Variants in FNBP1 observed in about 807,000 individuals in gnomAD.
FNBP1 encodes the protein formin binding protein 1, also known as formin-binding protein 1.
Under a neutral mutation model 90.6 loss-of-function variants are expected in FNBP1, and 26 were observed. The observed-to-expected ratio is 0.29, with a 90% confidence interval of 0.21 to 0.40. FNBP1 has a LOEUF of 0.40. Among genes scored for constraint, FNBP1 ranks in the 10% least tolerant of loss-of-function variants. The pLI, the probability that FNBP1 is intolerant of heterozygous loss-of-function variation, is 1.00. For synonymous variants in FNBP1, 260 were observed against 265.2 expected, an observed-to-expected ratio of 0.98 and a Z score of 0.19; for missense variants, 635 against 768.0, an observed-to-expected ratio of 0.83 and a Z score of 2.05.
intron 1 of FNBP1, among the ~76,000 whole-genome samples, chr9:129,999,544 G>C (rs758555834): frequency 6.6e-6 from 1 of 151,662 alleles, no homozygotes; most frequent in Non-Finnish European, 1.5e-5. Flanking sequence ...GTTGCAGTGA[G>C]TGGAAATCGC....
At chr9:129,918,180 T>A (rs1476337292) in intron 10 of FNBP1, among the ~76,000 whole-genome samples, 1 of 152,146 alleles carries the variant, frequency 6.6e-6, no homozygotes, top group African/African-American at 2.4e-5. Context: ...TGAACAGAAA[T>A]CCCCATTGAA....
chr9:129,934,380 T>C (rs2043146716), intron 6 of FNBP1, among the ~76,000 whole-genome samples: 1 of 152,184 alleles, frequency 6.6e-6, no homozygotes, highest in African/African-American at 2.4e-5. Context: ...GATAATGTTC[T>C]AAAAAGTCCA....
chr9:130,003,878 C>T (rs1276042195), intron 1 of FNBP1, among the ~76,000 whole-genome samples: 13 of 136,456 alleles, frequency 9.5e-5, no homozygotes, highest in African/African-American at 2.5e-4. Flanking sequence ...GAGCTGAGAT[C>T]GCACCTCTGC....
chr9:130,029,845 G>A (rs1045568750), intron 1 of FNBP1, among the ~76,000 whole-genome samples: 23 of 152,074 alleles, frequency 1.5e-4, no homozygotes, highest in African/African-American at 5.5e-4. Flanking sequence ...TCAGCCTGGT[G>A]TGGTGTTGCC....
At chr9:129,992,474 C>A (rs2131255372) in intron 2 of FNBP1, among the ~76,000 whole-genome samples, 1 of 151,702 alleles carries the variant, frequency 6.6e-6, no homozygotes, top group East Asian at 1.9e-4. Context: ...AAATCTGGGG[C>A]CAGGCACAGT....
intron 2 of FNBP1, among the ~76,000 whole-genome samples, chr9:129,994,008 T>C (rs2053615258): frequency 1.3e-5 from 2 of 152,154 alleles, no homozygotes; most frequent in African/African-American, 2.4e-5. Flanking sequence ...ACACTGGAAA[T>C]GGCTGAACCC....
intron 4 of FNBP1, among the ~76,000 whole-genome samples, chr9:129,975,157 T>G (rs559235696): frequency 4.8e-4 from 73 of 152,342 alleles, no homozygotes; most frequent in African/African-American, 1.8e-3. Flanking sequence ...AGGCGGAGGC[T>G]GCAGTAAGCC....
the FNBP1 span, among the ~76,000 whole-genome samples, chr9:130,049,598 G>A: frequency 2.0e-5 from 3 of 151,856 alleles, no homozygotes; most frequent in African/African-American, 7.3e-5. Flanking sequence ...CTACTTGGGG[G>A]CTTGAGGCAG....
Position 129,966,712 on chromosome 9 carries a change from G to T in FNBP1, c.346-8159C>A, listed in dbSNP as rs2048690157. Among the ~76,000 whole-genome samples the T allele has an allele frequency of 2.0e-5, 3 of 151,738 alleles. No individual in the cohort carries two copies. The highest frequency in any genetic ancestry group is 4.9e-5 in the African/African-American group (2 of 41,180). Reference sequence around the variant, plus strand: ...GCACCACTGCATTCCAAGTCTGGGTGATGGAGCGAGACTCCGTCTAAACAA... The same window carrying T: ...GCACCACTGCATTCCAAGTCTGGGTTATGGAGCGAGACTCCGTCTAAACAA... On this transcript the variant is annotated intron_variant, in intron 4 of 16. Coordinates refer to ENST00000446176, the MANE Select transcript of FNBP1 (RefSeq NM_015033.3). The surrounding 1 kb of genome is among the most constrained non-coding windows in gnomAD (Gnocchi z 4.3).
rs3739862 is a variant in FNBP1, at chr9:129,890,289, G to C, written c.*250C>G. ...CTCAGTGGCCTGCGCGGGGTGGGGA[G>C]GGGGAGCGATGAGGACTGACCCGAG... On this transcript the variant is annotated 3_prime_UTR_variant, in exon 17 of 17. Coordinates refer to ENST00000446176, the MANE Select transcript of FNBP1 (RefSeq NM_015033.3). This position sits in a 1 kb window ranked among gnomAD's most constrained non-coding sequence, Gnocchi z 5.8. 8,517 of 539,098 alleles carry C rather than the reference G, an allele frequency of 0.016. 110 individuals are homozygous for C. Among genetic ancestry groups the C allele is most frequent in the Middle Eastern group, 0.026 (53 of 2,062 alleles). The allele number at this position is 539,098 out of a possible 1,614,324, so 33.4% of individuals were successfully genotyped here.
the FNBP1 span, among the ~76,000 whole-genome samples, chr9:130,048,314 CAAAAA>C: frequency 1.2e-4 from 6 of 50,720 alleles, no homozygotes; most frequent in African/African-American, 1.7e-4. Context: ...GACTCCATCT[CAAAAA>C]AAAAAAAAAA....
At chr9:129,970,017 T>C (rs2133215817) in intron 4 of FNBP1, among the ~76,000 whole-genome samples, 1 of 149,786 alleles carries the variant, frequency 6.7e-6, no homozygotes, top group Middle Eastern at 3.5e-3. Context: ...GCCTCCTGAG[T>C]AGCTGGGACT....
intron 1 of FNBP1, among the ~76,000 whole-genome samples, chr9:130,029,547 GA>G (rs2132110498): frequency 6.6e-6 from 1 of 152,222 alleles, no homozygotes; most frequent in South Asian, 2.1e-4. Context: ...ACTGGGTAAG[GA>G]AGTAGAATAT....
intron 15 of FNBP1, among the ~76,000 whole-genome samples, chr9:129,897,011 C>T (rs1455773423): frequency 6.6e-6 from 1 of 152,234 alleles, no homozygotes; most frequent in Non-Finnish European, 1.5e-5. Context: ...ACTTTTCCCA[C>T]TGTCTGCAGC....
At chr9:129,938,057 G>C (rs1011549089) in intron 6 of FNBP1, among the ~76,000 whole-genome samples, 1 of 152,012 alleles carries the variant, frequency 6.6e-6, no homozygotes, top group African/African-American at 2.4e-5. Context: ...CCTGCTCCTA[G>C]GAGGCTGAGG....
intron 4 of FNBP1, among the ~76,000 whole-genome samples, chr9:129,965,237 G>A (rs186231887): frequency 6.6e-6 from 1 of 152,282 alleles, no homozygotes; most frequent in East Asian, 1.9e-4. Context: ...AACCAGAAAC[G>A]TTCACTAAGG....
At chr9:130,047,506 G>C (rs544006713), upstream of FNBP1, among the ~76,000 whole-genome samples, 2 of 152,106 alleles carry the variant, frequency 1.3e-5, no homozygotes, top group Non-Finnish European at 2.9e-5. Flanking sequence ...CCAGCTACTC[G>C]GGAGGCTATG....
At chr9:129,924,737 T>C (rs1259042193) in intron 9 of FNBP1, among the ~76,000 whole-genome samples, 1 of 152,146 alleles carries the variant, frequency 6.6e-6, no homozygotes, top group Non-Finnish European at 1.5e-5. Context: ...ACTCTGTTAG[T>C]GTGGGAGTCA....
At chr9:129,926,202 C>T (rs768775864) in intron 8 of FNBP1, among the ~76,000 whole-genome samples, 1 of 152,116 alleles carries the variant, frequency 6.6e-6, no homozygotes, top group Non-Finnish European at 1.5e-5. Flanking sequence ...GAACTCCTGG[C>T]ATCAAGTGAT....
Sources: gnomAD v4.1 joint callset for allele counts (sites outside exome capture counted in the v4.1 genomes callset) on GRCh38, gnomAD v4.1.1 for gene constraint, Gnocchi (gnomAD v3.1) non-coding constraint, MANE v1.5 for transcripts, NCBI Gene and HGNC (gene_info 2026-07-23, HGNC 2026-07-21) for gene names.